AGBL4: variants seen among roughly 807,000 people sequenced by gnomAD.
The protein encoded by AGBL4 is cytosolic carboxypeptidase 6.
AGBL4 carries 58 observed loss-of-function variants against 66.4 expected under a neutral mutation model. That is an observed-to-expected ratio of 0.87 (90% confidence interval 0.71 to 1.09). The LOEUF is 1.09. AGBL4 is among the 50% of genes least tolerant of loss of function. The pLI is 0.00. For synonymous variants in AGBL4, 234 were observed against 222.9 expected (o/e 1.05, Z -0.44); for missense variants, 579 against 631.0 (o/e 0.92, Z 0.88).
chr1:48,993,799 A>G (rs1377631251), intron 5 of AGBL4, among the ~76,000 whole-genome samples: 2 of 152,138 alleles, frequency 1.3e-5, no homozygotes, highest in African/African-American at 2.4e-5. Flanking sequence ...GTTCCAATAC[A>G]AAGTCCCACA....
chr1:49,775,720 C>CTA, intron 2 of AGBL4, among the ~76,000 whole-genome samples: 1 of 151,870 alleles, frequency 6.6e-6, no homozygotes, highest in Non-Finnish European at 1.5e-5. Flanking sequence ...TTATCAGTGT[C>CTA]TTATACATCA....
intron 6 of AGBL4, among the ~76,000 whole-genome samples, chr1:48,796,213 C>T (rs1645670357): frequency 6.6e-6 from 1 of 152,210 alleles, no homozygotes; most frequent in African/African-American, 2.4e-5. Context: ...TCTAACCCTA[C>T]ACTTGGTTAG....
At chr1:49,608,928 C>T (rs1185256571) in intron 3 of AGBL4, among the ~76,000 whole-genome samples, 1 of 152,062 alleles carries the variant, frequency 6.6e-6, no homozygotes, top group Non-Finnish European at 1.5e-5. Flanking sequence ...ATCACCCCTC[C>T]CCCACCACAG....
chr1:49,771,562 T>C (rs187201813), intron 2 of AGBL4, among the ~76,000 whole-genome samples: 3 of 152,248 alleles, frequency 2.0e-5, no homozygotes, highest in Non-Finnish European at 4.4e-5. Flanking sequence ...TCTTCTGTTA[T>C]GATGCTCTTT....
At chr1:48,537,964 T>C (rs887939221) in intron 12 of AGBL4, among the ~76,000 whole-genome samples, 7 of 152,194 alleles carry the variant, frequency 4.6e-5, no homozygotes, top group African/African-American at 1.7e-4. Flanking sequence ...TATAAAGTGT[T>C]GCTTTTCCTG....
chr1:49,058,123 T>A (rs575721235), intron 4 of AGBL4, among the ~76,000 whole-genome samples: 1 of 152,326 alleles, frequency 6.6e-6, no homozygotes, highest in East Asian at 1.9e-4. Flanking sequence ...ACGTGAAGGC[T>A]TCCTCTTCCT....
At chr1:49,105,092 A>G (rs550296486) in intron 4 of AGBL4, among the ~76,000 whole-genome samples, 3 of 152,116 alleles carry the variant, frequency 2.0e-5, no homozygotes, top group Non-Finnish European at 4.4e-5. Context: ...GACATTATGC[A>G]TTTATTTATT....
intron 3 of AGBL4, among the ~76,000 whole-genome samples, chr1:49,298,518 T>G (rs1015965466): frequency 6.6e-6 from 1 of 152,188 alleles, no homozygotes; most frequent in Non-Finnish European, 1.5e-5. Context: ...CCAAGGACTT[T>G]CAGCAGCAAT....
At chr1:48,751,440 G>T (rs188051801) in intron 6 of AGBL4, among the ~76,000 whole-genome samples, 1 of 152,320 alleles carries the variant, frequency 6.6e-6, no homozygotes, top group Non-Finnish European at 1.5e-5. Context: ...AGCAAGAGGG[G>T]CCTCAGTTTT....
intron 3 of AGBL4, among the ~76,000 whole-genome samples, chr1:49,297,649 G>A (rs1644667455): frequency 6.6e-6 from 1 of 152,168 alleles, no homozygotes; most frequent in Non-Finnish European, 1.5e-5. Flanking sequence ...GGAATGGAAA[G>A]GAAGGACAGA....
chr1:49,779,068 T>C (rs1571548038), intron 2 of AGBL4, among the ~76,000 whole-genome samples: 1 of 152,144 alleles, frequency 6.6e-6, no homozygotes, highest in South Asian at 2.1e-4. Context: ...CAGAAAATTA[T>C]ATCAATAGAA....
chr1:48,890,826 C>T (rs1166980056), intron 5 of AGBL4, among the ~76,000 whole-genome samples: 1 of 152,126 alleles, frequency 6.6e-6, no homozygotes, highest in African/African-American at 2.4e-5. Flanking sequence ...GATCGTTATG[C>T]CCATAGTAAT....
chr1:48,804,808 G>A (rs1187080310), intron 6 of AGBL4, among the ~76,000 whole-genome samples: 1 of 152,190 alleles, frequency 6.6e-6, no homozygotes, highest in Non-Finnish European at 1.5e-5. Context: ...GCTGCAGATG[G>A]TGTTTTCTTC....
chr1:49,502,440 T>C (rs1163973044), intron 3 of AGBL4, among the ~76,000 whole-genome samples: 3 of 152,036 alleles, frequency 2.0e-5, no homozygotes, highest in Admixed American at 6.6e-5. Flanking sequence ...GCTGTAAAGA[T>C]ATCTGAAAAT....
chr1:49,761,408 C>T (rs1229376070), intron 2 of AGBL4, among the ~76,000 whole-genome samples: 4 of 152,248 alleles, frequency 2.6e-5, no homozygotes, highest in Admixed American at 6.5e-5. Context: ...GTCAGAGCAT[C>T]GGAAAAGGAC....
chr1:49,862,197 A>T (rs1219692297), intron 1 of AGBL4, among the ~76,000 whole-genome samples: 2 of 152,150 alleles, frequency 1.3e-5, no homozygotes, highest in African/African-American at 4.8e-5. Flanking sequence ...ATAGAGATTG[A>T]AATACCTTTT....
intron 4 of AGBL4, among the ~76,000 whole-genome samples, chr1:49,080,863 C>T (rs1305967893): frequency 6.6e-6 from 1 of 152,062 alleles, no homozygotes; most frequent in Non-Finnish European, 1.5e-5. Context: ...TTTTTCATAT[C>T]AACTTTTCTG....
At chr1:48,693,986 A>G (rs1265149155) in intron 6 of AGBL4, among the ~76,000 whole-genome samples, 2 of 148,616 alleles carry the variant, frequency 1.3e-5, no homozygotes. Context: ...CTGGACCCAC[A>G]AGCCCTTCTT....
At chr1:49,567,525 G>C (rs1427259779) in intron 3 of AGBL4, among the ~76,000 whole-genome samples, 1 of 152,108 alleles carries the variant, frequency 6.6e-6, no homozygotes, top group East Asian at 1.9e-4. Context: ...TATAATAAAA[G>C]TATAGTAATT....
Sources: allele counts gnomAD v4.1 joint callset (sites outside exome capture counted in the v4.1 genomes callset), GRCh38; gene constraint gnomAD v4.1.1; transcripts MANE v1.5; gene names NCBI Gene and HGNC (gene_info 2026-07-23, HGNC 2026-07-21).